The following SIPA1L1 variants were observed in gnomAD, a reference collection of about 807,000 sequenced individuals.
SIPA1L1 encodes the protein signal induced proliferation associated 1 like 1.
Under a neutral mutation model 162.7 loss-of-function variants are expected in SIPA1L1, and 26 were observed. The observed-to-expected ratio is 0.16, with a 90% CI of 0.12 to 0.22. The LOEUF is 0.22. Among genes scored for constraint, SIPA1L1 ranks in the 10% least tolerant of loss-of-function variants. The pLI is 1.00. For synonymous variants in SIPA1L1, 829 were observed against 837.4 expected (o/e 0.99, Z 0.17); for missense variants, 1,874 against 2,241.0 (o/e 0.84, Z 3.31).
intron 3 of SIPA1L1, among the ~76,000 whole-genome samples, chr14:71,516,784 C>T (rs1329369745): frequency 2.0e-5 from 3 of 151,594 alleles, no homozygotes; most frequent in Admixed American, 6.6e-5. Flanking sequence ...ACCAGCCTGG[C>T]CAACATGGCA....
chr14:71,483,121 A>C (rs2048475938), intron 2 of SIPA1L1, among the ~76,000 whole-genome samples: 1 of 152,194 alleles, frequency 6.6e-6, no homozygotes, highest in Admixed American at 6.5e-5. Context: ...TTGGAGGGAA[A>C]AGTCTTAAAA....
At chr14:71,495,000 G>A (rs2049621093) in intron 2 of SIPA1L1, among the ~76,000 whole-genome samples, 1 of 152,172 alleles carries the variant, frequency 6.6e-6, no homozygotes, top group African/African-American at 2.4e-5. Flanking sequence ...TAGAAGTGCT[G>A]GAATTACAGG....
chr14:71,342,961 C>T (rs1241921792), intron 2 of SIPA1L1, among the ~76,000 whole-genome samples: 1 of 152,094 alleles, frequency 6.6e-6, no homozygotes, highest in South Asian at 2.1e-4. Flanking sequence ...CAAAGAAGGC[C>T]ACGATGTGCC....
chr14:71,636,101 C>T (rs2041119107), intron 7 of SIPA1L1, among the ~76,000 whole-genome samples: 2 of 152,076 alleles, frequency 1.3e-5, no homozygotes, highest in Non-Finnish European at 2.9e-5. Context: ...GGTAAATACA[C>T]AATTATAGTT....
chr14:71,616,303 T>C (rs1002824320), intron 5 of SIPA1L1, among the ~76,000 whole-genome samples: 3 of 152,138 alleles, frequency 2.0e-5, no homozygotes, highest in Non-Finnish European at 2.9e-5. Context: ...AAAGTACCAT[T>C]TGTTTTAACT....
Position 71,356,567 on chromosome 14 carries a change from C to CAAAAAAAAAAAAAAGAAAAAAAAAAAAA in SIPA1L1, c.-465+35400_-465+35401insGAAAAAAAAAAAAAAAAAAAAAAAAAAA. 5.1e-5 allele frequency among the ~76,000 whole-genome samples: 2 copies of CAAAAAAAAAAAAAAGAAAAAAAAAAAAA among 39,172 alleles called. 1 individual carries two copies. The highest frequency in any genetic ancestry group is 8.6e-5 in the Non-Finnish European group (2 of 23,186). 25.7% of individuals were successfully genotyped at this position (39,172 alleles called of 152,430 possible). A position where few individuals can be genotyped will look rare whatever the true frequency, so the allele number is the denominator to read the frequency against. On this transcript the variant is annotated intron_variant, in intron 2 of 23. Coordinates refer to ENST00000381232, the MANE Select transcript of SIPA1L1 (RefSeq NM_001386936.1). Reference sequence around the variant, plus strand: ...GCAACATAGCAAGACCTTGTCTCTACAAAAAAAAAAAAAAAAAAAAGCACA... The same window carrying CAAAAAAAAAAAAAAGAAAAAAAAAAAAA: ...GCAACATAGCAAGACCTTGTCTCTACAAAAAAAAAAAAAAGAAAAAAAAAAAAAAAAAAAAAAAAAAAAAAAAAGCACA...
chr14:71,681,416 C>T (rs1282221501), intron 12 of SIPA1L1, among the ~76,000 whole-genome samples: 1 of 152,116 alleles, frequency 6.6e-6, no homozygotes, highest in Non-Finnish European at 1.5e-5. Flanking sequence ...GGCCACTAGC[C>T]TATAGTTCTT....
intron 4 of SIPA1L1, among the ~76,000 whole-genome samples, chr14:71,564,970 T>C (rs896129246): frequency 4.6e-5 from 7 of 152,232 alleles, no homozygotes; most frequent in Admixed American, 1.3e-4. Flanking sequence ...CCATGCCTGC[T>C]GTTTCTGTCC....
intron 2 of SIPA1L1, among the ~76,000 whole-genome samples, chr14:71,329,000 T>G (rs1390837119): frequency 6.6e-6 from 1 of 152,218 alleles, no homozygotes; most frequent in Non-Finnish European, 1.5e-5. Context: ...CTACTTTAGG[T>G]AACCTCATAT....
chr14:71,716,135 A>G (rs913342122), intron 17 of SIPA1L1, among the ~76,000 whole-genome samples: 1 of 73,466 alleles, frequency 1.4e-5, no homozygotes, highest in Non-Finnish European at 2.1e-5. Flanking sequence ...AATCATCCCT[A>G]CTTCACTTGT....
At chr14:71,544,312 A>G (rs1042477092) in intron 4 of SIPA1L1, among the ~76,000 whole-genome samples, 4 of 151,494 alleles carry the variant, frequency 2.6e-5, no homozygotes, top group Admixed American at 6.6e-5. Context: ...GTGTGTATAT[A>G]CATATATGTA....
chr14:71,595,042 C>T lies in SIPA1L1; in HGVS notation c.1498+5672C>T, dbSNP rs536784912. ...CTCAGCTGCAAGCGTGGCTCAGCTG[C>T]ACCCTGATCTGGAAGGCTTTCACAG... On this transcript the variant is annotated intron_variant, in intron 5 of 23. Transcript: ENST00000381232. Among the ~76,000 whole-genome samples the T allele has an allele frequency of 6.6e-5, 10 of 152,320 alleles. No individual in the cohort carries two copies. In the South Asian group the frequency reaches 2.1e-3, roughly 32 times the overall value.
At chr14:71,339,849 G>A (rs2035467173) in intron 2 of SIPA1L1, among the ~76,000 whole-genome samples, 1 of 152,138 alleles carries the variant, frequency 6.6e-6, no homozygotes, top group Non-Finnish European at 1.5e-5. Flanking sequence ...TTATAAACAA[G>A]CCTGTGAGAT....
intron 4 of SIPA1L1, among the ~76,000 whole-genome samples, chr14:71,583,887 G>A (rs1468666717): frequency 1.3e-5 from 2 of 152,012 alleles, no homozygotes; most frequent in African/African-American, 4.8e-5. Flanking sequence ...CAGAGTACTG[G>A]TTGCCATGCA....
intron 2 of SIPA1L1, among the ~76,000 whole-genome samples, chr14:71,464,433 G>C (rs1284787028): frequency 1.3e-5 from 2 of 152,148 alleles, no homozygotes; most frequent in African/African-American, 2.4e-5. Context: ...ACAAGATCAG[G>C]ACTTCGAGAC....
chr14:71,464,675 CAG>C (rs2046853901), intron 2 of SIPA1L1, among the ~76,000 whole-genome samples: 1 of 151,998 alleles, frequency 6.6e-6, no homozygotes, highest in Non-Finnish European at 1.5e-5. Context: ...AAAAAACAAA[CAG>C]AGTCCCTACT....
chr14:71,525,264 G>T (rs976553582), intron 3 of SIPA1L1, among the ~76,000 whole-genome samples: 1 of 150,966 alleles, frequency 6.6e-6, no homozygotes, highest in South Asian at 2.1e-4. Flanking sequence ...CTCACTGCAA[G>T]CCCCACCTCC....
chr14:71,702,228 T>C, intron 14 of SIPA1L1, 153 bp from the exon 15 acceptor site: 1 of 728,560 alleles, frequency 1.4e-6, no homozygotes, highest in South Asian at 1.8e-5. Context: ...CACACCCACG[T>C]AAACACGAAC....
In SIPA1L1 at chr14:71,600,287, T is replaced by G. The variant is rs564996026; in HGVS notation, c.1498+10917T>G. 4.9e-4 allele frequency among the ~76,000 whole-genome samples: 74 copies of G among 152,282 alleles called. 1 individual carries two copies. The highest frequency in any genetic ancestry group is 3.9e-4 in the Admixed American group (6 of 15,292). ...GTCTTTAATCCATCTTCAGTTGATT[T>G]TGTATATAGCGAGAGACAGGATTGT... On this transcript the variant is annotated intron_variant, in intron 5 of 23. Coordinates refer to ENST00000381232, the MANE Select transcript of SIPA1L1 (RefSeq NM_001386936.1).
Sources: gnomAD v4.1 joint callset for allele counts (sites outside exome capture counted in the v4.1 genomes callset) on GRCh38, gnomAD v4.1.1 for gene constraint, MANE v1.5 for transcripts, NCBI Gene and HGNC (gene_info 2026-07-23, HGNC 2026-07-21) for gene names.